The following RNF214 variants were observed in gnomAD, a reference collection of about 807,000 sequenced individuals.
RNF214 encodes the protein ring finger protein 214.
Under a neutral mutation model 75.9 loss-of-function variants are expected in RNF214, and 25 were observed. The ratio of observed to expected loss-of-function variants is 0.33; its 90% CI spans 0.24 to 0.46. RNF214 has a LOEUF of 0.46. Among genes scored for constraint, RNF214 ranks in the 20% least tolerant of loss-of-function variants. The pLI is 1.00. For synonymous variants in RNF214, 314 were observed against 308.8 expected, an observed-to-expected ratio of 1.02 and a Z score of -0.18; for missense variants, 725 against 857.5, an observed-to-expected ratio of 0.85 and a Z score of 1.93.
chr11:117,252,864 G>T (rs1361317470), intron 6 of RNF214, among the ~76,000 whole-genome samples: 10 of 151,982 alleles, frequency 6.6e-5, no homozygotes, highest in Non-Finnish European at 1.5e-5. Flanking sequence ...CATATATCTG[G>T]TAATTATTTG....
intron 6 of RNF214, among the ~76,000 whole-genome samples, chr11:117,279,246 CA>C (rs1412409731): frequency 6.6e-6 from 1 of 150,930 alleles, no homozygotes. Context: ...GTTCTGCCTT[CA>C]ATGGAGGGCT....
intron 6 of RNF214, among the ~76,000 whole-genome samples, chr11:117,278,925 C>A (rs1304395524): frequency 2.0e-5 from 3 of 152,000 alleles, no homozygotes; most frequent in Non-Finnish European, 4.4e-5. Context: ...ACCCCTGTCT[C>A]TACAAAAAAT....
chr11:117,245,704 A>G (rs764946683), intron 5 of RNF214, among the ~76,000 whole-genome samples: 21 of 152,224 alleles, frequency 1.4e-4, no homozygotes, highest in Admixed American at 6.5e-4. Context: ...TTATGCAGCT[A>G]TTTTTGAATT....
chr11:117,234,292 C>T lies in RNF214; in HGVS notation c.20C>T (p.Ala7Val), dbSNP rs766088933. MAASEVAGVVANAPSPP... is the reference protein window; with the variant it reads MAASEVVGVVANAPSPP... ...AGCATAATGGCAGCGTCTGAGGTTG[C>T]TGGTGTTGTGGCCAATGCCCCCAGT... The change falls in exon 2 of 15, where the codon GCT becomes GTT. Residue 7 changes from alanine to valine, a missense_variant. This residue lies in a region of RNF214 where 362 missense variants were observed against 344.5 expected (regional missense o/e 1.05). Coordinates refer to ENST00000300650, the MANE Select transcript of RNF214 (RefSeq NM_207343.4). 2 of 1,614,050 alleles carry T rather than the reference C, an allele frequency of 1.2e-6. No homozygotes were observed. Among genetic ancestry groups the T allele is most frequent in the South Asian group, 1.1e-5 (1 of 91,086 alleles).
intron 2 of RNF214, among the ~76,000 whole-genome samples, chr11:117,237,877 A>G (rs1014608819): frequency 1.3e-5 from 2 of 152,320 alleles, no homozygotes; most frequent in African/African-American, 4.8e-5. Flanking sequence ...GGTTCTGGTC[A>G]AAGATCTGTA....
At position 117,282,058 on chromosome 11, in the gene RNF214, C is replaced by T; in HGVS notation, c.1500C>T (p.Ser500=). The T allele has an allele frequency of 6.2e-7, 1 of 1,614,114 alleles. No individual in the cohort carries two copies. Among genetic ancestry groups the T allele is most frequent in the Non-Finnish European group, 8.5e-7 (1 of 1,180,020 alleles). Residue 500 remains serine (S), a synonymous_variant, in exon 11 of 15, where the codon TCC becomes TCT. Transcript: ENST00000300650. ...NPALSQPSQP[S]SPLPGSHGRN... ...CCCTTTCCCAGCCCAGCCAGCCTTCCTCACCCCTTCCTGGCTCCCATGGCA... is the reference window on the plus strand; with the variant it reads ...CCCTTTCCCAGCCCAGCCAGCCTTCTTCACCCCTTCCTGGCTCCCATGGCA...
At chr11:117,273,236 A>T (rs993884397) in intron 6 of RNF214, among the ~76,000 whole-genome samples, 16 of 152,164 alleles carry the variant, frequency 1.1e-4, no homozygotes, top group Non-Finnish European at 1.8e-4. Flanking sequence ...GCTTTTAAAG[A>T]TAATTGTGGA....
chr11:117,271,233 G>T (rs2033903962), intron 6 of RNF214, among the ~76,000 whole-genome samples: 1 of 152,114 alleles, frequency 6.6e-6, no homozygotes, highest in South Asian at 2.1e-4. Context: ...GTATTTTGGG[G>T]TATCGTTTTC....
chr11:117,241,310 A>T (rs1438902951), intron 4 of RNF214, among the ~76,000 whole-genome samples: 1 of 151,456 alleles, frequency 6.6e-6, no homozygotes, highest in Non-Finnish European at 1.5e-5. Flanking sequence ...GGCCGGGCAC[A>T]GTGGCTCATG....
At chr11:117,280,310 T>C in intron 8 of RNF214, 51 bp downstream of exon 8, 1 of 1,336,262 alleles carries the variant, frequency 7.5e-7, no homozygotes, top group Non-Finnish European at 1.1e-6. Flanking sequence ...TTTGTTTGTT[T>C]GTTTGTTTAG....
In RNF214 at chr11:117,239,058, G is replaced by A. The variant is rs1261522483; in HGVS notation, c.565G>A (p.Asp189Asn). 9.3e-6 allele frequency: 15 copies of A among 1,613,794 alleles called. No homozygotes were observed. The highest frequency in any genetic ancestry group is 1.3e-5 in the Non-Finnish European group (15 of 1,179,932). Reference protein sequence around the residue: ...NGVEGVRVDQDDDQDSSSLKL... With the variant: ...NGVEGVRVDQNDDQDSSSLKL... ...GGTTGAAGGAGTCCGAGTGGATCAG[G>A]ATGATGATCAAGATAGCTCTTCCCT... Residue 189 changes from aspartate to asparagine, a missense_variant, in exon 3 of 15, where the codon GAT becomes AAT. Around this residue, in one of 2 missense-constraint regions of RNF214, gnomAD observed 362 missense variants for 344.5 expected, o/e 1.05. Transcript: ENST00000300650.
At position 117,260,349 on chromosome 11, in the gene RNF214, G is replaced by A. The variant is rs116998359; in HGVS notation, c.959+13401G>A. Among the ~76,000 whole-genome samples, 381 of 152,302 alleles carry A rather than the reference G, an allele frequency of 2.5e-3. 13 individuals are homozygous for A. In the South Asian group the frequency reaches 0.049, roughly 20 times the overall value. Reference sequence around the variant, plus strand: ...GGTTGAGGTTCATTTTTTCCATGTAGATATCCAGTTGTTCCAGCACCATTT... The same window carrying A: ...GGTTGAGGTTCATTTTTTCCATGTAAATATCCAGTTGTTCCAGCACCATTT... On this transcript the variant is annotated intron_variant, in intron 6 of 14. Coordinates refer to ENST00000300650, the MANE Select transcript of RNF214 (RefSeq NM_207343.4).
At chr11:117,283,453 C>T (rs2034171095) in intron 14 of RNF214, among the ~76,000 whole-genome samples, 4 of 151,976 alleles carry the variant, frequency 2.6e-5, no homozygotes, top group Admixed American at 2.6e-4. Flanking sequence ...CTCCACCTCT[C>T]AGGTTCAAGT....
intron 6 of RNF214, among the ~76,000 whole-genome samples, chr11:117,256,617 T>G (rs2033528102): frequency 6.6e-6 from 1 of 152,222 alleles, no homozygotes; most frequent in African/African-American, 2.4e-5. Context: ...TTCCAGCAGA[T>G]GAGCCAGATT....
At chr11:117,277,253 G>T (rs1222250048) in intron 6 of RNF214, among the ~76,000 whole-genome samples, 5 of 152,128 alleles carry the variant, frequency 3.3e-5, no homozygotes, top group Non-Finnish European at 7.3e-5. Flanking sequence ...TAAGGCAGGA[G>T]AATTGCCTGA....
chr11:117,277,831 T>G (rs1004421357), intron 6 of RNF214, among the ~76,000 whole-genome samples: 6 of 151,562 alleles, frequency 4.0e-5, no homozygotes, highest in African/African-American at 1.5e-4. Context: ...AAAAATTAGC[T>G]GCGCATGGTG....
chr11:117,251,571 A>C (rs2033394147), intron 6 of RNF214, among the ~76,000 whole-genome samples: 1 of 148,720 alleles, frequency 6.7e-6, no homozygotes. Context: ...TGGCCGGGTC[A>C]TTTTATTATT....
In RNF214 at chr11:117,238,655, C is replaced by A; in HGVS notation, c.162C>A (p.Ser54Arg). The change falls in exon 3 of 15, where the codon AGC (serine) becomes AGA (arginine). Residue 54 changes from serine to arginine, a missense_variant. Transcript: ENST00000300650. Reference sequence around the variant, plus strand: ...ACTCGCCTCTGTTGAGTGTAAGTAGCCAAACAATAACCAAGGAGAATAACA... The same window carrying A: ...ACTCGCCTCTGTTGAGTGTAAGTAGACAAACAATAACCAAGGAGAATAACA... ...QKNSPLLSVS[S>R]QTITKENNRN... is the part of the protein sequence containing the mutation. The A allele has an allele frequency of 9.3e-6, 15 of 1,614,064 alleles. No individual in the cohort carries two copies. The highest frequency in any genetic ancestry group is 1.3e-5 in the Non-Finnish European group (15 of 1,179,976).
chr11:117,238,870 A>G lies in RNF214; in HGVS notation c.377A>G (p.Glu126Gly). The G allele has an allele frequency of 6.2e-7, 1 of 1,614,206 alleles. No individual in the cohort carries two copies. Among genetic ancestry groups the G allele is most frequent in the Non-Finnish European group, 8.5e-7 (1 of 1,180,036 alleles). The change falls in exon 3 of 15, where the codon GAG becomes GGG. Residue 126 changes from glutamate to glycine, a missense_variant. This residue lies in a region of RNF214 where 362 missense variants were observed against 344.5 expected (regional missense o/e 1.05). Transcript: ENST00000300650. Reference protein sequence around the residue: ...AGEEGDTSLRESLHPVTRSLK... With the variant: ...AGEEGDTSLRGSLHPVTRSLK... ...GAGGAGGGGGACACAAGCCTTCGGG[A>G]GAGCCTCCATCCAGTCACTCGGTCT... is the stretch of plus-strand genomic sequence containing the variant.
Sources: allele counts gnomAD v4.1 joint callset (sites outside exome capture counted in the v4.1 genomes callset), GRCh38; gene constraint gnomAD v4.1.1; regional missense constraint gnomAD v4.1.1; transcripts MANE v1.5; gene names NCBI Gene and HGNC (gene_info 2026-07-23, HGNC 2026-07-21).